Variants in TUFT1 observed in about 807,000 individuals in gnomAD.
TUFT1 encodes the protein tuftelin.
Under a neutral mutation model 57.8 loss-of-function variants are expected in TUFT1, and 43 were observed. The ratio of observed to expected loss-of-function variants is 0.74; its 90% CI spans 0.58 to 0.96. The LOEUF is 0.96. Among genes scored for constraint, TUFT1 ranks in the 40% least tolerant of loss-of-function variants. The pLI is 0.00. For synonymous variants in TUFT1, 166 were observed against 176.7 expected (o/e 0.94, Z 0.48); for missense variants, 459 against 489.0 (o/e 0.94, Z 0.58).
At chr1:151,557,868 TG>T in intron 1 of TUFT1, 1 of 735,878 alleles carries the variant, frequency 1.4e-6, no homozygotes, top group Non-Finnish European at 2.5e-6. Flanking sequence ...AAGCTGAGGC[TG>T]GGGCTGGGTC....
At chr1:151,557,414 C>A in intron 1 of TUFT1, 1 of 954,292 alleles carries the variant, frequency 1.0e-6, no homozygotes, top group Non-Finnish European at 1.6e-6. Flanking sequence ...AGGGGCTTTC[C>A]AGCCCCAGCC....
intron 1 of TUFT1, among the ~76,000 whole-genome samples, chr1:151,560,959 TGTGTGTGTGTGTGTGTGTGTGTG>T (rs1665866041): frequency 6.9e-5 from 1 of 14,572 alleles, no homozygotes; most frequent in Admixed American, 1.5e-3. Context: ...CAAAGTATTG[TGTGTGTGTGTGTGTGTGTGTGTG>T]TGTGTGTGTG....
chr1:151,577,890 G>A (rs1034006653), intron 9 of TUFT1, among the ~76,000 whole-genome samples: 2 of 152,050 alleles, frequency 1.3e-5, no homozygotes, highest in African/African-American at 2.4e-5. Flanking sequence ...GCCAGATGTG[G>A]TGGCATGTGC....
chr1:151,552,690 C>T lies in TUFT1; in HGVS notation c.61-9401C>T, dbSNP rs1484547832. On this transcript the variant is annotated intron_variant, in intron 1 of 12. Coordinates refer to ENST00000368849, the MANE Select transcript of TUFT1 (RefSeq NM_020127.3). ...CTGCACTCCAGCCTGGCCGACAGAG[C>T]GAGAGGGACTCTGTCTCAAAAAAAA... is the stretch of plus-strand genomic sequence containing the variant. Among the ~76,000 whole-genome samples, 6 of 104,056 alleles carry T rather than the reference C, an allele frequency of 5.8e-5. No homozygotes were observed. The East Asian group carries it at 1.6e-3, about 29-fold the overall frequency. The allele number at this position is 104,056 out of a possible 152,430, so 68.3% of individuals were successfully genotyped here. A position where few individuals can be genotyped will look rare whatever the true frequency, so the allele number is the denominator to read the frequency against.
At chr1:151,547,826 C>T (rs1182912674) in intron 1 of TUFT1, among the ~76,000 whole-genome samples, 1 of 152,196 alleles carries the variant, frequency 6.6e-6, no homozygotes. Flanking sequence ...TCTACAGACA[C>T]ACTGTCACTG....
intron 1 of TUFT1, among the ~76,000 whole-genome samples, chr1:151,554,221 A>G (rs1054337516): frequency 6.6e-6 from 1 of 152,214 alleles, no homozygotes; most frequent in East Asian, 1.9e-4. Context: ...GTTGTAGACT[A>G]TCTGGGTTTC....
intron 1 of TUFT1, chr1:151,545,779 A>G (rs766744543): frequency 7.6e-6 from 4 of 526,850 alleles, no homozygotes; most frequent in South Asian, 4.3e-5. Context: ...AGGCCTACAG[A>G]TAGACCCAGG....
intron 12 of TUFT1, 36 bp from the exon 13 acceptor site, chr1:151,581,608 C>T: frequency 6.2e-7 from 1 of 1,609,964 alleles, no homozygotes; most frequent in Non-Finnish European, 8.5e-7. Flanking sequence ...CACAGCTGTT[C>T]CCAGCACAAC....
chr1:151,559,737 G>A (rs542908366), intron 1 of TUFT1, among the ~76,000 whole-genome samples: 1 of 152,268 alleles, frequency 6.6e-6, no homozygotes, highest in East Asian at 1.9e-4. Context: ...GTGGGAGGAT[G>A]CTGATGTTTC....
chr1:151,553,345 C>T (rs1020717510), intron 1 of TUFT1, among the ~76,000 whole-genome samples: 4 of 152,166 alleles, frequency 2.6e-5, no homozygotes, highest in African/African-American at 7.2e-5. Context: ...CCACGCCTCC[C>T]AAAGTGCTGA....
chr1:151,569,713 G>T lies in TUFT1; in HGVS notation c.537G>T (p.Leu179Phe), dbSNP rs1450396869. 5 of 1,614,106 alleles carry T rather than the reference G, an allele frequency of 3.1e-6. No homozygotes were observed. The East Asian group carries it at 1.1e-4, about 36-fold the overall frequency. ...GCTTGAGGAAGACGGTGCAGGACTTGCTGGCCAAGCTTCAGGAGGCCAAGC... is the reference window on the plus strand; with the variant it reads ...GCTTGAGGAAGACGGTGCAGGACTTTCTGGCCAAGCTTCAGGAGGCCAAGC... ...VESLRKTVQD[L>F]LAKLQEAKRQ... The change falls in exon 7 of 13, where the codon TTG (leucine) becomes TTT (phenylalanine). Residue 179 changes from leucine to phenylalanine, a missense_variant. Physicochemically the swap from Leu to Phe is conservative, Grantham distance 22 (BLOSUM62 0). Coordinates refer to ENST00000368849, the MANE Select transcript of TUFT1 (RefSeq NM_020127.3).
At chr1:151,565,753 CTTTG>C (rs999604352) in intron 5 of TUFT1, among the ~76,000 whole-genome samples, 2 of 152,218 alleles carry the variant, frequency 1.3e-5, no homozygotes, top group African/African-American at 4.8e-5. Context: ...AAGGGAAGCT[CTTTG>C]TTTGTGGCAG....
At chr1:151,555,155 A>G (rs1275151119) in intron 1 of TUFT1, among the ~76,000 whole-genome samples, 6 of 150,064 alleles carry the variant, frequency 4.0e-5, no homozygotes, top group Non-Finnish European at 5.9e-5. Flanking sequence ...TGGCGAAACC[A>G]TGTCTCTATC....
Position 151,574,996 on chromosome 1 carries a change from A to C in TUFT1, c.809A>C (p.Glu270Ala). Residue 270 changes from glutamate to alanine, a missense_variant, in exon 9 of 13, where the codon GAA becomes GCA. Glu to Ala is a moderately radical substitution (Grantham distance 107). Coordinates refer to ENST00000368849, the MANE Select transcript of TUFT1 (RefSeq NM_020127.3). ...AGCAACAATGCTGACTGCCAAGCAG[A>C]ACGAGAAAAGTAAGGGCTTGGCTCT... The part of the protein sequence containing the change: ...LRSNNADCQA[E>A]REKAATLEKE... 6.4e-7 allele frequency: 1 copy of C among 1,562,734 alleles called. No homozygotes were observed. The highest frequency in any genetic ancestry group is 8.7e-7 in the Non-Finnish European group (1 of 1,153,010).
intron 1 of TUFT1, among the ~76,000 whole-genome samples, chr1:151,559,330 T>C (rs1408497905): frequency 6.6e-6 from 1 of 152,084 alleles, no homozygotes; most frequent in Non-Finnish European, 1.5e-5. Context: ...GCAGATGCCA[T>C]GGGAGGCCTT....
chr1:151,579,647 A>G lies in TUFT1; in HGVS notation c.925-2A>G. On this transcript the variant is annotated splice_acceptor_variant, in intron 10 of 12. Coordinates refer to ENST00000368849, the MANE Select transcript of TUFT1 (RefSeq NM_020127.3). LOFTEE classifies it high-confidence loss of function. Reference sequence around the variant, plus strand: ...GCTCCAGTGTCTCCCACACCTTTGCAGCTCCAGAATTCAAAAGCTGTGATC... The same window carrying G: ...GCTCCAGTGTCTCCCACACCTTTGCGGCTCCAGAATTCAAAAGCTGTGATC... 1.2e-6 allele frequency: 2 copies of G among 1,613,874 alleles called. No homozygotes were observed. The highest frequency in any genetic ancestry group is 8.5e-7 in the Non-Finnish European group (1 of 1,179,900).
chr1:151,578,960 C>T (rs1666564734), intron 10 of TUFT1, 134 bp downstream of exon 10: 1 of 675,652 alleles, frequency 1.5e-6, no homozygotes, highest in Non-Finnish European at 2.4e-6. Flanking sequence ...TTACCAGGTT[C>T]AGGTTATTAG....
chr1:151,542,157 G>A (rs763531762), intron 1 of TUFT1, among the ~76,000 whole-genome samples: 8 of 152,110 alleles, frequency 5.3e-5, no homozygotes, highest in Non-Finnish European at 7.4e-5. Context: ...GTTGGCACTG[G>A]CAGTGTTAAT....
Position 151,580,929 on chromosome 1 carries a change from G to A in TUFT1, c.1009-13G>A. ...GAAAAAGGCCAACTCTAACCCCTAA[G>A]CTTGTGTTACAGAATTTAGAGATGC... is the stretch of plus-strand genomic sequence containing the variant. On this transcript the variant is annotated splice_polypyrimidine_tract_variant and intron_variant, in intron 11 of 12. Coordinates refer to ENST00000368849, the MANE Select transcript of TUFT1 (RefSeq NM_020127.3). 6.2e-7 allele frequency: 1 copy of A among 1,613,574 alleles called. No individual in the cohort carries two copies. The highest frequency in any genetic ancestry group is 8.5e-7 in the Non-Finnish European group (1 of 1,179,508).
Sources: allele counts gnomAD v4.1 joint callset (sites outside exome capture counted in the v4.1 genomes callset), GRCh38; gene constraint gnomAD v4.1.1; transcripts MANE v1.5; gene names NCBI Gene and HGNC (gene_info 2026-07-23, HGNC 2026-07-21).